Variants in NFIB observed in about 807,000 individuals in gnomAD.
NFIB encodes the protein nuclear factor I B.
In NFIB, 11 loss-of-function variants were observed where a neutral mutation model predicts 61.5. That is an observed-to-expected ratio of 0.18 (90% CI 0.11 to 0.30). The LOEUF is 0.30. Among genes scored for constraint, NFIB ranks in the 10% least tolerant of loss-of-function variants. The pLI, the probability that NFIB is intolerant of heterozygous loss-of-function variation, is 1.00. For missense variants in NFIB, 471 were observed against 608.9 expected, an observed-to-expected ratio of 0.77 and a Z score of 2.38; for synonymous variants, 260 against 216.5, an observed-to-expected ratio of 1.20 and a Z score of -1.76.
chr9:14,144,160 A>G (rs2042048056), intron 6 of NFIB, among the ~76,000 whole-genome samples: 1 of 152,162 alleles, frequency 6.6e-6, no homozygotes, highest in South Asian at 2.1e-4. Flanking sequence ...ATGTTTTCAC[A>G]AAGAAAAAGA....
intron 2 of NFIB, among the ~76,000 whole-genome samples, chr9:14,282,928 A>G (rs946841877): frequency 6.6e-5 from 10 of 152,306 alleles, no homozygotes; most frequent in African/African-American, 1.9e-4. Flanking sequence ...TAGCTTCCAC[A>G]TAAGTTAGTT....
chr9:14,235,125 T>C (rs187325041), intron 2 of NFIB, among the ~76,000 whole-genome samples: 1 of 152,248 alleles, frequency 6.6e-6, no homozygotes, highest in African/African-American at 2.4e-5. Flanking sequence ...ACAGAAAATG[T>C]TATACGATTG....
At chr9:14,236,366 T>C (rs984251576) in intron 2 of NFIB, among the ~76,000 whole-genome samples, 2 of 152,216 alleles carry the variant, frequency 1.3e-5, no homozygotes, top group African/African-American at 4.8e-5. Flanking sequence ...TCTTTAGTGA[T>C]TGAGACAGAA....
the NFIB span, among the ~76,000 whole-genome samples, chr9:14,483,783 C>T: frequency 1.3e-5 from 2 of 152,172 alleles, no homozygotes; most frequent in African/African-American, 4.8e-5. Flanking sequence ...CACAGGTGCA[C>T]TTTGATTCTT....
chr9:14,250,318 G>A (rs1280396227), intron 2 of NFIB, among the ~76,000 whole-genome samples: 1 of 152,122 alleles, frequency 6.6e-6, no homozygotes, highest in African/African-American at 2.4e-5. Flanking sequence ...ATGTCCCCAG[G>A]TAGCTAATGT....
At chr9:14,129,110 G>A (rs1255036289) in intron 6 of NFIB, among the ~76,000 whole-genome samples, 1 of 152,054 alleles carries the variant, frequency 6.6e-6, no homozygotes, top group Non-Finnish European at 1.5e-5. Context: ...AATACAATTT[G>A]CTGTTCAAGT....
chr9:14,213,999 C>T (rs921008015), intron 2 of NFIB, among the ~76,000 whole-genome samples: 2 of 152,152 alleles, frequency 1.3e-5, no homozygotes, highest in Non-Finnish European at 2.9e-5. Flanking sequence ...ACTTAAGAAT[C>T]GATGCCACCT....
chr9:14,357,079 G>C (rs560548121), intron 1 of NFIB: 1 of 152,322 alleles, frequency 6.6e-6, no homozygotes, highest in Admixed American at 6.5e-5. Context: ...GTGAAAGACT[G>C]TTTGAAATGC....
Position 14,138,986 on chromosome 9 carries a change from C to T in NFIB, c.925+7703G>A, listed in dbSNP as rs141860937. ...TCAGAACCCTGAAAACTCACAAATACACCTCTATTTTCTCATTCTAGTTCT... is the reference window on the plus strand; with the variant it reads ...TCAGAACCCTGAAAACTCACAAATATACCTCTATTTTCTCATTCTAGTTCT... On this transcript the variant is annotated intron_variant, in intron 6 of 10. Coordinates refer to ENST00000380953, the MANE Select transcript of NFIB (RefSeq NM_001190737.2). Among the ~76,000 whole-genome samples the T allele has an allele frequency of 2.2e-3, 335 of 152,152 alleles. 2 individuals are homozygous for T. The highest frequency in any genetic ancestry group is 7.6e-3 in the African/African-American group (317 of 41,534).
rs1008494366 is a variant in NFIB at position 14,314,010 on chromosome 9, T to A, written c.-499A>T. ...CGGGCGGGAGGGAGAGCGGGGAGAA[T>A]GTGTCACCGCGCTGGGAAAGTTCAA... is the stretch of plus-strand genomic sequence containing the variant. On this transcript the variant is annotated 5_prime_UTR_variant, in exon 1 of 11. Transcript: ENST00000380953. 8 of 1,060,582 alleles carry A rather than the reference T, an allele frequency of 7.5e-6. No individual in the cohort carries two copies. Among genetic ancestry groups the A allele is most frequent in the Non-Finnish European group, 9.1e-6 (8 of 879,486 alleles). 65.7% of individuals were successfully genotyped at this position (1,060,582 alleles called of 1,614,324 possible). A position where few individuals can be genotyped will look rare whatever the true frequency, so the allele number is the denominator to read the frequency against.
intron 4 of NFIB, among the ~76,000 whole-genome samples, chr9:14,153,164 T>G (rs1484803856): frequency 6.6e-6 from 1 of 152,098 alleles, no homozygotes; most frequent in Non-Finnish European, 1.5e-5. Context: ...CATATTATGT[T>G]TTAATTTTGT....
chr9:14,358,239 A>T (rs1449932610), intron 1 of NFIB, among the ~76,000 whole-genome samples: 1 of 149,278 alleles, frequency 6.7e-6, no homozygotes, highest in Non-Finnish European at 1.5e-5. Flanking sequence ...AAATAATTTT[A>T]TATTTATATA....
chr9:14,129,430 T>C (rs1255428833), intron 6 of NFIB, among the ~76,000 whole-genome samples: 1 of 150,372 alleles, frequency 6.7e-6, no homozygotes, highest in African/African-American at 2.4e-5. Flanking sequence ...AAACACCCTC[T>C]CTAGACTAGA....
At chr9:14,261,298 T>C (rs535904215) in intron 2 of NFIB, among the ~76,000 whole-genome samples, 18 of 151,796 alleles carry the variant, frequency 1.2e-4, no homozygotes, top group East Asian at 3.9e-4. Context: ...GCCTGGGCAA[T>C]AGAGCAGGAC....
chr9:14,522,815 T>G, the NFIB span, among the ~76,000 whole-genome samples: 1 of 152,160 alleles, frequency 6.6e-6, no homozygotes, highest in Non-Finnish European at 1.5e-5. Context: ...CTTGAAATAG[T>G]AAGAACTGTT....
At chr9:14,236,721 T>A (rs1424926578) in intron 2 of NFIB, among the ~76,000 whole-genome samples, 1 of 152,168 alleles carries the variant, frequency 6.6e-6, no homozygotes, top group African/African-American at 2.4e-5. Context: ...ACTTCCCATG[T>A]TTATTTGGAC....
intron 2 of NFIB, among the ~76,000 whole-genome samples, chr9:14,265,292 T>C (rs1369898088): frequency 6.6e-6 from 1 of 152,202 alleles, no homozygotes; most frequent in Non-Finnish European, 1.5e-5. Flanking sequence ...AATTCACATG[T>C]TGAAGCCCAA....
chr9:14,353,845 GGTTTT>G (rs1351667253), intron 1 of NFIB, among the ~76,000 whole-genome samples: 2 of 148,786 alleles, frequency 1.3e-5, no homozygotes, highest in Non-Finnish European at 3.0e-5. Flanking sequence ...GAGCGAGAGG[GGTTTT>G]GTCTTTTTTT....
intron 1 of NFIB, among the ~76,000 whole-genome samples, chr9:14,363,260 G>C (rs2061261202): frequency 6.6e-6 from 1 of 152,286 alleles, no homozygotes; most frequent in Admixed American, 6.5e-5. Flanking sequence ...TACTCCGTTT[G>C]AGGCCCTGGT....
Sources: gnomAD v4.1 joint callset for allele counts (sites outside exome capture counted in the v4.1 genomes callset) on GRCh38, gnomAD v4.1.1 for gene constraint, MANE v1.5 for transcripts, NCBI Gene and HGNC (gene_info 2026-07-23, HGNC 2026-07-21) for gene names.